RASGRP1: variants seen among roughly 807,000 people sequenced by gnomAD.
RASGRP1 encodes the protein RAS guanyl-releasing protein 1.
A neutral mutation model predicts 95.1 loss-of-function variants in RASGRP1; 37 were observed. The ratio of observed to expected loss-of-function variants is 0.39; its 90% confidence interval spans 0.30 to 0.51. The LOEUF (loss-of-function observed/expected upper bound fraction) is 0.51. Among genes scored for constraint, RASGRP1 ranks in the 20% least tolerant of loss-of-function variants. RASGRP1 has a pLI of 0.80. For synonymous variants in RASGRP1, 325 were observed against 353.4 expected, an observed-to-expected ratio of 0.92 and a Z score of 0.90; for missense variants, 711 against 965.4, an observed-to-expected ratio of 0.74 and a Z score of 3.49.
chr15:38,507,089 G>A (rs572429830), intron 9 of RASGRP1, among the ~76,000 whole-genome samples: 1 of 152,340 alleles, frequency 6.6e-6, no homozygotes, highest in East Asian at 1.9e-4. Context: ...GAAGTTCGAA[G>A]TCATCCCAGA....
rs143932781 is a variant in RASGRP1 at position 38,520,554 on chromosome 15, T to A, written c.327-1183A>T. 1.1e-4 allele frequency among the ~76,000 whole-genome samples: 16 copies of A among 152,344 alleles called. No individual in the cohort carries two copies. The East Asian group carries it at 3.1e-3, about 29-fold the overall frequency. On this transcript the variant is annotated intron_variant, in intron 3 of 16. Transcript: ENST00000310803. ...TGAAACTTCAATTTGCAATATATAATTAAGTGCTTTACACTTGTGGTTTTA... is the reference window on the plus strand; with the variant it reads ...TGAAACTTCAATTTGCAATATATAAATAAGTGCTTTACACTTGTGGTTTTA...
rs552659019 is a variant in RASGRP1, at chr15:38,515,286, T to C, written c.675+911A>G. Among the ~76,000 whole-genome samples, 8 of 152,252 alleles carry C rather than the reference T, an allele frequency of 5.3e-5. No individual in the cohort carries two copies. In the East Asian group the frequency reaches 1.5e-3, roughly 29 times the overall value. ...GGCCTCCATCCCCTCACCAGGAGAA[T>C]ACTGGTCATTTTAATAAATGGACCC... is the stretch of plus-strand genomic sequence containing the variant. On this transcript the variant is annotated intron_variant, in intron 6 of 16. Coordinates refer to ENST00000310803, the MANE Select transcript of RASGRP1 (RefSeq NM_005739.4).
chr15:38,514,406 A>T lies in RASGRP1; in HGVS notation c.676-1450T>A, dbSNP rs537274390. Among the ~76,000 whole-genome samples, 11 of 152,262 alleles carry T rather than the reference A, an allele frequency of 7.2e-5. No homozygotes were observed. The South Asian group carries it at 2.1e-3, about 29-fold the overall frequency. On this transcript the variant is annotated intron_variant, in intron 6 of 16. Coordinates refer to ENST00000310803, the MANE Select transcript of RASGRP1 (RefSeq NM_005739.4). ...TAATATATTCCAGTGAATACATTTA[A>T]TACCCCCCTCCCACTATAAATATAA...
chr15:38,538,903 T>C (rs1044948000), intron 2 of RASGRP1, among the ~76,000 whole-genome samples: 1 of 152,184 alleles, frequency 6.6e-6, no homozygotes, highest in Non-Finnish European at 1.5e-5. Flanking sequence ...ATAGTTACGG[T>C]GCCTGACAGT....
intron 3 of RASGRP1, among the ~76,000 whole-genome samples, chr15:38,521,128 G>C (rs957987159): frequency 6.6e-6 from 1 of 152,138 alleles, no homozygotes; most frequent in Non-Finnish European, 1.5e-5. Flanking sequence ...AAGTAGAAGT[G>C]AGAATGAGAT....
rs138432927 is a variant in RASGRP1, at chr15:38,529,195, C to T, written c.221-2791G>A. On this transcript the variant is annotated intron_variant, in intron 2 of 16. Coordinates refer to ENST00000310803, the MANE Select transcript of RASGRP1 (RefSeq NM_005739.4). ...CACTCTTGTCCACCTACAATCTATT[C>T]CCTATACAGAAGTCAGGACAAACTC... is the stretch of plus-strand genomic sequence containing the variant. Among the ~76,000 whole-genome samples the T allele has an allele frequency of 4.7e-3, 718 of 152,284 alleles. 7 individuals carry two copies. The highest frequency in any genetic ancestry group is 8.3e-3 in the Admixed American group (127 of 15,286).
intron 2 of RASGRP1, among the ~76,000 whole-genome samples, chr15:38,535,347 A>G (rs1464070485): frequency 6.6e-6 from 1 of 151,926 alleles, no homozygotes; most frequent in Admixed American, 6.6e-5. Context: ...CCACACCTCT[A>G]TTCTTTCTTC....
chr15:38,513,488 G>T (rs1006647819), intron 6 of RASGRP1, among the ~76,000 whole-genome samples: 11 of 152,164 alleles, frequency 7.2e-5, no homozygotes, highest in African/African-American at 2.7e-4. Context: ...TATATGTAAG[G>T]TTGCGCTAAT....
In RASGRP1 at chr15:38,500,146, A is replaced by G. The variant is rs776187149; in HGVS notation, c.1684-7T>C. ...GTTTGATCACTCCCCAGAGCTATGA[A>G]ACAAGAGACAGAATGCACCACATGT... On this transcript the variant is annotated splice_region_variant and splice_polypyrimidine_tract_variant and intron_variant, in intron 13 of 16. Transcript: ENST00000310803. The G allele has an allele frequency of 5.6e-6, 9 of 1,612,930 alleles. No individual in the cohort carries two copies. Among genetic ancestry groups the G allele is most frequent in the Non-Finnish European group, 6.8e-6 (8 of 1,179,618 alleles).
In RASGRP1 at chr15:38,498,381, TTA is replaced by T. The variant is rs559784775; in HGVS notation, c.1873+411_1873+412del. 3.0e-4 allele frequency among the ~76,000 whole-genome samples: 46 copies of T among 152,300 alleles called. No homozygotes were observed. The South Asian group carries it at 8.9e-3, about 30-fold the overall frequency. On this transcript the variant is annotated intron_variant, in intron 15 of 16. Transcript: ENST00000310803. Reference sequence around the variant, plus strand: ...AATGCACTATGCCTTTTAATGTGATTTATATATTATATATGTTAATTTACATT... The same window carrying T: ...AATGCACTATGCCTTTTAATGTGATTTATATTATATATGTTAATTTACATT...
intron 15 of RASGRP1, among the ~76,000 whole-genome samples, chr15:38,497,309 A>G (rs1032822641): frequency 1.3e-5 from 2 of 152,064 alleles, no homozygotes; most frequent in Admixed American, 6.5e-5. Flanking sequence ...TCATTTTATC[A>G]TACAGACAGG....
intron 2 of RASGRP1, among the ~76,000 whole-genome samples, chr15:38,558,723 G>A (rs771440581): frequency 3.3e-5 from 5 of 152,226 alleles, no homozygotes; most frequent in Non-Finnish European, 7.3e-5. Flanking sequence ...TTAAACCAAC[G>A]TTGAAATAGT....
At position 38,502,425 on chromosome 15, in the gene RASGRP1, T is replaced by C; in HGVS notation, c.1429-4A>G. The C allele has an allele frequency of 6.4e-7, 1 of 1,559,254 alleles. No individual in the cohort carries two copies. Among genetic ancestry groups the C allele is most frequent in the South Asian group, 1.1e-5 (1 of 88,842 alleles). The stretch of plus-strand genomic sequence containing the variant: ...GATCATAGTTCTTGAAGACAGACTG[T>C]GAAAAAGGAGTTTTTTTGGTGATTA... On this transcript the variant is annotated splice_region_variant and splice_polypyrimidine_tract_variant and intron_variant, in intron 11 of 16. Coordinates refer to ENST00000310803, the MANE Select transcript of RASGRP1 (RefSeq NM_005739.4).
In RASGRP1 at chr15:38,539,094, C is replaced by T. The variant is rs77936822; in HGVS notation, c.221-12690G>A. Among the ~76,000 whole-genome samples, 782 of 152,248 alleles carry T rather than the reference C, an allele frequency of 5.1e-3. 3 individuals carry two copies. Among genetic ancestry groups the T allele is most frequent in the Middle Eastern group, 0.044 (13 of 294 alleles). On this transcript the variant is annotated intron_variant, in intron 2 of 16. Coordinates refer to ENST00000310803, the MANE Select transcript of RASGRP1 (RefSeq NM_005739.4). ...GGAAACAGAGAGTAAGGTGGTATGA[C>T]TTGCCTAAAGTCACCCATCTTATGA...
intron 6 of RASGRP1, among the ~76,000 whole-genome samples, 200 bp downstream of exon 6, chr15:38,515,997 A>G (rs1166106695): frequency 6.6e-6 from 1 of 151,818 alleles, no homozygotes; most frequent in Non-Finnish European, 1.5e-5. Context: ...ATGGAAGAAG[A>G]GAGATGGGAG....
chr15:38,490,508 T>C lies in RASGRP1; in HGVS notation c.*46A>G, dbSNP rs759012153. ...GGTCTGTGCATTACAGTTTAGGAAA[T>C]GAGATCACTATACTCATCTACAGAT... On this transcript the variant is annotated 3_prime_UTR_variant, in exon 17 of 17. Transcript: ENST00000310803. 2 of 1,580,254 alleles carry C rather than the reference T, an allele frequency of 1.3e-6. No individual in the cohort carries two copies. The highest frequency in any genetic ancestry group is 8.6e-7 in the Non-Finnish European group (1 of 1,164,496).
intron 2 of RASGRP1, among the ~76,000 whole-genome samples, chr15:38,547,550 C>T (rs1893150553): frequency 6.6e-6 from 1 of 152,140 alleles, no homozygotes; most frequent in Admixed American, 6.5e-5. Flanking sequence ...TTCCTAGGAC[C>T]ACCTTCCAAA....
At chr15:38,522,274 C>A (rs989393585) in intron 3 of RASGRP1, among the ~76,000 whole-genome samples, 2 of 152,110 alleles carry the variant, frequency 1.3e-5, no homozygotes, top group Admixed American at 6.5e-5. Flanking sequence ...TTTTTCAGTA[C>A]CCTTGCAATC....
At chr15:38,557,848 A>G (rs957364319) in intron 2 of RASGRP1, among the ~76,000 whole-genome samples, 1 of 152,104 alleles carries the variant, frequency 6.6e-6, no homozygotes, top group African/African-American at 2.4e-5. Context: ...TTTTCAGTTC[A>G]ACATATTCCA....
Sources: gnomAD v4.1 joint callset for allele counts (sites outside exome capture counted in the v4.1 genomes callset) on GRCh38, gnomAD v4.1.1 for gene constraint, MANE v1.5 for transcripts, NCBI Gene and HGNC (gene_info 2026-07-23, HGNC 2026-07-21) for gene names.